RHOBTB2: variants seen among roughly 807,000 people sequenced by gnomAD.
The protein encoded by RHOBTB2 is rho-related BTB domain-containing protein 2.
In RHOBTB2, 39 loss-of-function variants were observed where a neutral mutation model predicts 66.5. That is an observed-to-expected ratio of 0.59 (90% CI 0.45 to 0.77). The LOEUF is 0.77. Ranked by LOEUF, RHOBTB2 falls within the 30% of genes least tolerant of loss-of-function variation. RHOBTB2 has a pLI of 0.00. For missense variants in RHOBTB2, 755 were observed against 999.1 expected (o/e 0.76, Z 3.29); for synonymous variants, 390 against 395.0 (o/e 0.99, Z 0.15).
chr8:23,005,513 G>C, intron 3 of RHOBTB2, 38 bp downstream of exon 3: 1 of 1,367,928 alleles, frequency 7.3e-7, no homozygotes, highest in South Asian at 1.2e-5. Context: ...AGAACCAACA[G>C]GGTGGGTTTT....
In RHOBTB2 at chr8:23,005,428, G is replaced by A. The variant is rs1810918327; in HGVS notation, c.249G>A (p.Trp83Ter). 2 of 1,613,860 alleles carry A rather than the reference G, an allele frequency of 1.2e-6. No individual in the cohort carries two copies. The highest frequency in any genetic ancestry group is 1.7e-6 in the Non-Finnish European group (2 of 1,179,956). ...VDDVSVSLRL[W>*]DTFGDHHKDR... ...ATGTCAGCGTCTCTCTGCGCCTCTG[G>A]GACACCTTTGGAGACCACCACAAAG... Residue 83 changes from tryptophan to a stop codon, truncating the protein, a stop_gained, in exon 3 of 10, where the codon TGG becomes TGA. Transcript: ENST00000251822. LOFTEE classifies it high-confidence loss of function.
intron 2 of RHOBTB2, among the ~76,000 whole-genome samples, chr8:22,992,928 G>A (rs2128797490): frequency 6.6e-6 from 1 of 152,320 alleles, no homozygotes; most frequent in South Asian, 2.1e-4. Flanking sequence ...CAGGGACTAG[G>A]CGTAGCCTGG....
upstream of RHOBTB2, among the ~76,000 whole-genome samples, chr8:22,985,511 C>T (rs1316589283): frequency 1.3e-5 from 2 of 152,204 alleles, no homozygotes; most frequent in African/African-American, 4.8e-5. Flanking sequence ...GAGCAGGTCT[C>T]GCTCTGAGCA....
At chr8:22,956,735 C>A in the RHOBTB2 span, among the ~76,000 whole-genome samples, 1 of 152,222 alleles carries the variant, frequency 6.6e-6, no homozygotes, top group Non-Finnish European at 1.5e-5. Context: ...AATCTTGACT[C>A]ACTGCAACCT....
upstream of RHOBTB2, among the ~76,000 whole-genome samples, chr8:22,998,724 C>CAAAAAAAAAAAAA (rs555614764): frequency 1.2e-5 from 1 of 81,310 alleles, no homozygotes. Context: ...GAGGGAGACT[C>CAAAAAAAAAAAAA]AAAAAAAAAA....
the RHOBTB2 span, among the ~76,000 whole-genome samples, chr8:22,973,432 CTA>C: frequency 6.6e-6 from 1 of 151,884 alleles, no homozygotes; most frequent in Non-Finnish European, 1.5e-5. Context: ...GTCTCCTGGG[CTA>C]TGTTTCCCAG....
At chr8:22,995,569 T>C (rs113048713), upstream of RHOBTB2, among the ~76,000 whole-genome samples, 2 of 152,248 alleles carry the variant, frequency 1.3e-5, no homozygotes, top group African/African-American at 4.8e-5. Flanking sequence ...GAAGAACTGC[T>C]TGTGCAAAGT....
chr8:22,951,035 A>G, the RHOBTB2 span, among the ~76,000 whole-genome samples: 1 of 152,108 alleles, frequency 6.6e-6, no homozygotes, highest in African/African-American at 2.4e-5. Context: ...GCTGTTTTTC[A>G]TTAGAAGAAA....
the RHOBTB2 span, among the ~76,000 whole-genome samples, chr8:22,976,442 C>A: frequency 5.3e-5 from 8 of 152,232 alleles, no homozygotes; most frequent in East Asian, 1.5e-3. Flanking sequence ...CCAAGCAAGG[C>A]ACTTGAGGGG....
In RHOBTB2 at chr8:23,018,305, C is replaced by T. The variant is rs2128808999; in HGVS notation, c.*836C>T. 6.5e-6 allele frequency: 1 copy of T among 152,764 alleles called. No homozygotes were observed. The highest frequency in any genetic ancestry group is 2.1e-4 in the South Asian group (1 of 4,822). The allele number at this position is 152,764 out of a possible 1,614,324, so 9.5% of individuals were successfully genotyped here. A position where few individuals can be genotyped will look rare whatever the true frequency, so the allele number is the denominator to read the frequency against. ...TGCTCCTCAGGGCCCTCCCCTGCCTCTGGGTGGCACTGCTTTTTATAGGGT... is the reference window on the plus strand; with the variant it reads ...TGCTCCTCAGGGCCCTCCCCTGCCTTTGGGTGGCACTGCTTTTTATAGGGT... On this transcript the variant is annotated 3_prime_UTR_variant, in exon 10 of 10. Transcript: ENST00000251822.
In RHOBTB2 at chr8:23,006,236, T is replaced by C; in HGVS notation, c.482+91T>C. ...CCTGGGGGAATTCCACTGAGCCTCATATCTCTCCCTCCATTTGGAGCAAGC... is the reference window on the plus strand; with the variant it reads ...CCTGGGGGAATTCCACTGAGCCTCACATCTCTCCCTCCATTTGGAGCAAGC... On this transcript the variant is annotated intron_variant, in intron 4 of 9. Coordinates refer to ENST00000251822, the MANE Select transcript of RHOBTB2 (RefSeq NM_015178.3). The surrounding 1 kb of genome is among the most constrained non-coding windows in gnomAD (Gnocchi z 6.1). The C allele has an allele frequency of 9.1e-7, 1 of 1,095,524 alleles. No homozygotes were observed. The highest frequency in any genetic ancestry group is 1.4e-5 in the South Asian group (1 of 69,130). The allele number at this position is 1,095,524 out of a possible 1,614,324, so 67.9% of individuals were successfully genotyped here. A position where few individuals can be genotyped will look rare whatever the true frequency, so the allele number is the denominator to read the frequency against.
chr8:23,014,751 C>T lies in RHOBTB2; in HGVS notation c.1833C>T (p.Asp611=), dbSNP rs561833683. 54 of 1,614,020 alleles carry T rather than the reference C, an allele frequency of 3.3e-5. No homozygotes were observed. The highest frequency in any genetic ancestry group is 1.6e-4 in the Middle Eastern group (1 of 6,062). ...ATQMMVDIDG[D]VLVFLELAQF... Reference sequence around the variant, plus strand: ...AGATGATGGTGGACATCGATGGGGACGTCCTTGTGTTCCTGGAACTGGCTC... The same window carrying T: ...AGATGATGGTGGACATCGATGGGGATGTCCTTGTGTTCCTGGAACTGGCTC... The change falls in exon 8 of 10, where the codon GAC becomes GAT. Residue 611 remains aspartate, a synonymous_variant. Transcript: ENST00000251822.
intron 1 of RHOBTB2, among the ~76,000 whole-genome samples, chr8:22,990,762 G>A (rs1484048495): frequency 1.3e-5 from 2 of 152,168 alleles, no homozygotes; most frequent in Admixed American, 1.3e-4. Context: ...CAGTACAGCA[G>A]CAGCCTGTGG....
At chr8:22,995,765 C>T (rs899911384), upstream of RHOBTB2, 5 of 1,341,520 alleles carry the variant, frequency 3.7e-6, no homozygotes, top group African/African-American at 7.3e-5. Flanking sequence ...GGTAGGAACA[C>T]CACGTGCCCC....
At chr8:23,008,148 G>C (rs1279317946) in intron 6 of RHOBTB2, 37 bp downstream of exon 6, 1 of 1,420,186 alleles carries the variant, frequency 7.0e-7, no homozygotes, top group African/African-American at 1.4e-5. Flanking sequence ...AGGAGGGAGT[G>C]AGACATTTGC....
At chr8:22,965,036 C>T in the RHOBTB2 span, among the ~76,000 whole-genome samples, 41 of 152,086 alleles carry the variant, frequency 2.7e-4, no homozygotes, top group African/African-American at 9.2e-4. Context: ...AGGCTGGTCT[C>T]GAATTCCTGA....
intron 2 of RHOBTB2, among the ~76,000 whole-genome samples, chr8:22,993,651 G>T (rs76253027): frequency 0.013 from 2,046 of 152,308 alleles, 39 homozygotes; most frequent in African/African-American, 0.046. Context: ...GAGTTCATTG[G>T]TTGCTCCTCT....
chr8:23,020,075 CAG>C lies in RHOBTB2; in HGVS notation c.*2609_*2610del, dbSNP rs1811457298. The C allele has an allele frequency of 2.8e-6, 1 of 361,212 alleles. No homozygotes were observed. The highest frequency in any genetic ancestry group is 2.1e-5 in the African/African-American group (1 of 46,704). 22.4% of individuals were successfully genotyped at this position (361,212 alleles called of 1,614,324 possible). A position where few individuals can be genotyped will look rare whatever the true frequency, so the allele number is the denominator to read the frequency against. The stretch of plus-strand genomic sequence containing the variant: ...AGCACAGCCCTGGTTTCCTGTCACT[CAG>C]AGCTGATTCACAGGAGGAGGGGAGG... On this transcript the variant is annotated 3_prime_UTR_variant, in exon 10 of 10. Coordinates refer to ENST00000251822, the MANE Select transcript of RHOBTB2 (RefSeq NM_015178.3).
chr8:22,961,692 G>A, the RHOBTB2 span, among the ~76,000 whole-genome samples: 2 of 152,124 alleles, frequency 1.3e-5, no homozygotes, highest in African/African-American at 2.4e-5. Flanking sequence ...TGTCCACAGT[G>A]GCTCTGAGGT....
Sources: gnomAD v4.1 joint callset for allele counts (sites outside exome capture counted in the v4.1 genomes callset) on GRCh38, gnomAD v4.1.1 for gene constraint, Gnocchi (gnomAD v3.1) non-coding constraint, MANE v1.5 for transcripts, NCBI Gene and HGNC (gene_info 2026-07-23, HGNC 2026-07-21) for gene names.